The following PRDM16 variants were observed in gnomAD, a reference collection of about 807,000 sequenced individuals.
PRDM16 encodes histone-lysine N-methyltransferase PRDM16.
A neutral mutation model predicts 110.6 loss-of-function variants in PRDM16; 23 were observed. The ratio of observed to expected loss-of-function variants is 0.21; its 90% CI spans 0.15 to 0.29. The LOEUF (loss-of-function observed/expected upper bound fraction) is 0.29, where lower values mean the gene tolerates loss of function less well. Among genes scored for constraint, PRDM16 ranks in the 10% least tolerant of loss-of-function variants. The pLI is 1.00. For synonymous variants in PRDM16, 799 were observed against 781.8 expected (o/e 1.02, Z -0.37); for missense variants, 1,615 against 1,794.3 (o/e 0.90, Z 1.81).
rs183802974 is a variant in PRDM16 at position 3,175,791 on chromosome 1, C to T, written c.38-10334C>T. On this transcript the variant is annotated intron_variant, in intron 1 of 16. Transcript: ENST00000270722. The surrounding 1 kb of genome is among the most constrained non-coding windows in gnomAD (Gnocchi z 4.8). Reference sequence around the variant, plus strand: ...CAGGGCCTGGCTGAGAAAGCCCAGACGTTCCTCTCAGATGAGCCGATCAGG... The same window carrying T: ...CAGGGCCTGGCTGAGAAAGCCCAGATGTTCCTCTCAGATGAGCCGATCAGG... Among the ~76,000 whole-genome samples the T allele has an allele frequency of 1.2e-3, 177 of 152,248 alleles. No homozygotes were observed. The highest frequency in any genetic ancestry group is 3.6e-3 in the African/African-American group (149 of 41,556).
At chr1:3,194,215 T>C (rs1638396391) in intron 2 of PRDM16, among the ~76,000 whole-genome samples, 1 of 152,196 alleles carries the variant, frequency 6.6e-6, no homozygotes, top group South Asian at 2.1e-4. Context: ...CTATTTAGGA[T>C]GGTTGTTGAG....
At chr1:3,314,053 A>G (rs1641533372) in intron 3 of PRDM16, among the ~76,000 whole-genome samples, 1 of 136,554 alleles carries the variant, frequency 7.3e-6, no homozygotes. Flanking sequence ...CTCGCCCCCG[A>G]ATGCCGTCCT....
chr1:3,389,576 G>A (rs887571959), intron 4 of PRDM16, among the ~76,000 whole-genome samples: 1 of 152,208 alleles, frequency 6.6e-6, no homozygotes, highest in Admixed American at 6.5e-5. Context: ...CAGAGCCAGA[G>A]GCCACATTGG....
At chr1:3,200,365 T>G (rs567289808) in intron 2 of PRDM16, among the ~76,000 whole-genome samples, 2 of 152,234 alleles carry the variant, frequency 1.3e-5, no homozygotes, top group East Asian at 1.9e-4. Context: ...TTTTTTGAGA[T>G]GGAGTCTTGC....
chr1:3,359,736 G>A lies in PRDM16; in HGVS notation c.439-25416G>A, dbSNP rs944993384. ...AAAAAGCGTCCTCTGTGTGCCTGAG[G>A]GGAACGCACTGGGTTGATCCCTCAG... is the stretch of plus-strand genomic sequence containing the variant. On this transcript the variant is annotated intron_variant, in intron 3 of 16. Coordinates refer to ENST00000270722, the MANE Select transcript of PRDM16 (RefSeq NM_022114.4). The surrounding 1 kb of genome is among the most constrained non-coding windows in gnomAD (Gnocchi z 4.3). 6.6e-6 allele frequency among the ~76,000 whole-genome samples: 1 copy of A among 152,216 alleles called. No individual in the cohort carries two copies. The highest frequency in any genetic ancestry group is 6.5e-5 in the Admixed American group (1 of 15,290).
At chr1:3,171,753 C>T (rs1644027974) in intron 1 of PRDM16, among the ~76,000 whole-genome samples, 2 of 152,224 alleles carry the variant, frequency 1.3e-5, no homozygotes, top group Non-Finnish European at 2.9e-5. Context: ...TCCAGAACAC[C>T]TAAGCACCTG....
At chr1:3,260,194 G>C (rs1330331469) in intron 3 of PRDM16, among the ~76,000 whole-genome samples, 1 of 152,236 alleles carries the variant, frequency 6.6e-6, no homozygotes, top group African/African-American at 2.4e-5. Flanking sequence ...GAGCACTCCT[G>C]ATTGTCTGGA....
intron 1 of PRDM16, among the ~76,000 whole-genome samples, chr1:3,142,349 C>T (rs1350233593): frequency 1.3e-5 from 2 of 152,230 alleles, no homozygotes; most frequent in East Asian, 1.9e-4. Flanking sequence ...AGCCCTGTCC[C>T]GGGGGTGCGG....
intron 1 of PRDM16, among the ~76,000 whole-genome samples, chr1:3,134,954 AGGGGAGCTGCC>A (rs931523619): frequency 2.0e-5 from 3 of 152,114 alleles, no homozygotes; most frequent in African/African-American, 4.8e-5. Context: ...CTGGCCTGGT[AGGGGAGCTGCC>A]GGGGAGCTGC....
At position 3,245,288 on chromosome 1, in the gene PRDM16, G is replaced by C. The variant is rs970637553; in HGVS notation, c.438+1151G>C. Among the ~76,000 whole-genome samples the C allele has an allele frequency of 2.0e-5, 3 of 152,144 alleles. No individual in the cohort carries two copies. Among genetic ancestry groups the C allele is most frequent in the Non-Finnish European group, 4.4e-5 (3 of 68,024 alleles). On this transcript the variant is annotated intron_variant, in intron 3 of 16. Transcript: ENST00000270722. This position sits in a 1 kb window ranked among gnomAD's most constrained non-coding sequence, Gnocchi z 4.7. Reference sequence around the variant, plus strand: ...TCCCCCAAAGTCAAAGGAAAGTGCTGTGCTAGTCCTGCCAAACTCCCAGTC... The same window carrying C: ...TCCCCCAAAGTCAAAGGAAAGTGCTCTGCTAGTCCTGCCAAACTCCCAGTC...
intron 1 of PRDM16, among the ~76,000 whole-genome samples, chr1:3,152,561 T>G (rs1424369337): frequency 6.6e-6 from 1 of 152,216 alleles, no homozygotes; most frequent in Non-Finnish European, 1.5e-5. Context: ...TGACCTCTTT[T>G]ATAGAGATGG....
chr1:3,106,687 C>A (rs56363358), intron 1 of PRDM16, among the ~76,000 whole-genome samples: 8,507 of 152,200 alleles, frequency 0.056, 327 homozygotes, highest in East Asian at 0.076. Context: ...GTCCCAAGCA[C>A]CTGGGCCAGT....
At chr1:3,176,889 C>T (rs1178188499) in intron 1 of PRDM16, among the ~76,000 whole-genome samples, 3 of 151,664 alleles carry the variant, frequency 2.0e-5, no homozygotes, top group South Asian at 2.1e-4. Flanking sequence ...TCCTTCCTTC[C>T]GTCTAACCAT....
intron 1 of PRDM16, among the ~76,000 whole-genome samples, chr1:3,173,269 C>T (rs1557501642): frequency 6.6e-6 from 1 of 152,194 alleles, no homozygotes; most frequent in East Asian, 1.9e-4. Context: ...TCACATCTCT[C>T]TGAAACAAAG....
At chr1:3,336,708 G>A (rs1289424974) in intron 3 of PRDM16, among the ~76,000 whole-genome samples, 1 of 150,908 alleles carries the variant, frequency 6.6e-6, no homozygotes, top group Non-Finnish European at 1.5e-5. Flanking sequence ...GTGAGCACAT[G>A]CATGCACATG....
chr1:3,279,790 T>C (rs1397088594), intron 3 of PRDM16, among the ~76,000 whole-genome samples: 1 of 150,928 alleles, frequency 6.6e-6, no homozygotes, highest in Non-Finnish European at 1.5e-5. Context: ...GACCAGAGCC[T>C]GCGGGGGGGT....
chr1:3,155,430 G>C lies in PRDM16; in HGVS notation c.38-30695G>C, dbSNP rs141478485. Among the ~76,000 whole-genome samples the C allele has an allele frequency of 1.0e-3, 158 of 152,370 alleles. 1 individual carries two copies. The highest frequency in any genetic ancestry group is 3.8e-3 in the African/African-American group (158 of 41,588). On this transcript the variant is annotated intron_variant, in intron 1 of 16. Transcript: ENST00000270722. ...TATTGCCCTGTTATCTGCGTGGTTG[G>C]TGGTATCGCTGTACACAGATTTGCA...
chr1:3,383,130 T>C (rs1478419525), intron 3 of PRDM16, among the ~76,000 whole-genome samples: 1 of 152,116 alleles, frequency 6.6e-6, no homozygotes, highest in Non-Finnish European at 1.5e-5. Context: ...AGTCACTTGG[T>C]GAATGGAGCA....
Position 3,434,075 on chromosome 1 carries a change from C to A in PRDM16, c.*264C>A. The A allele has an allele frequency of 2.3e-6, 1 of 437,592 alleles. No homozygotes were observed. The highest frequency in any genetic ancestry group is 4.1e-6 in the Non-Finnish European group (1 of 244,622). The allele number at this position is 437,592 out of a possible 1,614,324, so 27.1% of individuals were successfully genotyped here. A position where few individuals can be genotyped will look rare whatever the true frequency, so the allele number is the denominator to read the frequency against. On this transcript the variant is annotated 3_prime_UTR_variant, in exon 17 of 17. Transcript: ENST00000270722. ...ATGCAGGTGGCCGTCCAAAGACAGC[C>A]AACGGAGCTGCCTCGCAGAATCAGC... is the stretch of plus-strand genomic sequence containing the variant.
Sources: allele counts gnomAD v4.1 joint callset (sites outside exome capture counted in the v4.1 genomes callset), GRCh38; gene constraint gnomAD v4.1.1; non-coding constraint Gnocchi (gnomAD v3.1); transcripts MANE v1.5; gene names NCBI Gene and HGNC (gene_info 2026-07-23, HGNC 2026-07-21).